Variants in USP7 observed in about 807,000 individuals in gnomAD.
USP7 encodes the protein ubiquitin specific peptidase 7, also known as ubiquitin C-terminal hydrolase 7.
USP7 carries 9 observed loss-of-function variants against 162.9 expected under a neutral mutation model. That is an observed-to-expected ratio of 0.06 (90% CI 0.03 to 0.10). The LOEUF is 0.10. USP7 is among the 10% of genes least tolerant of loss of function. USP7 has a pLI of 1.00. For synonymous variants in USP7, 562 were observed against 475.9 expected (o/e 1.18, Z -2.35); for missense variants, 715 against 1,373.7 (o/e 0.52, Z 7.58).
intron 1 of USP7, among the ~76,000 whole-genome samples, chr16:8,934,936 T>G (rs1307480325): frequency 6.6e-6 from 1 of 152,224 alleles, no homozygotes; most frequent in Non-Finnish European, 1.5e-5. Context: ...AAATTTTAAT[T>G]AAGACATGGT....
At chr16:8,955,722 A>AAC (rs1555472013) in intron 1 of USP7, among the ~76,000 whole-genome samples, 8 of 151,764 alleles carry the variant, frequency 5.3e-5, no homozygotes, top group East Asian at 1.9e-4. Flanking sequence ...AAAAAAAAAA[A>AAC]AAAACATTGC....
In USP7 at chr16:8,921,272, G is replaced by C; in HGVS notation, c.407C>G (p.Ala136Gly). The C allele has an allele frequency of 6.2e-7, 1 of 1,613,942 alleles. No individual in the cohort carries two copies. The highest frequency in any genetic ancestry group is 8.5e-7 in the Non-Finnish European group (1 of 1,179,978). The change falls in exon 4 of 31, where the codon GCA (alanine) becomes GGA (glycine). Residue 136 changes from alanine to glycine, a missense_variant. Ala to Gly is a moderately conservative substitution (Grantham distance 60). Transcript: ENST00000344836. ...TCTGTAATTTATTATCTTCAGCACT[G>C]CTTGTGCATGGCAAGACCATGACCT... ...DSTSWSCHAQ[A>G]VLKIINYRDD...
At chr16:8,916,020 G>A (rs374784693) in intron 8 of USP7, among the ~76,000 whole-genome samples, 28 of 152,172 alleles carry the variant, frequency 1.8e-4, no homozygotes, top group Admixed American at 6.5e-4. Context: ...GTGCTTCTGC[G>A]TCTTTTATCA....
chr16:8,937,914 A>T (rs1164182664), intron 1 of USP7, among the ~76,000 whole-genome samples: 1 of 152,064 alleles, frequency 6.6e-6, no homozygotes, highest in Non-Finnish European at 1.5e-5. Flanking sequence ...GGGGAGAGAA[A>T]ATACTGACCA....
At chr16:8,953,230 G>A (rs1899640063) in intron 1 of USP7, among the ~76,000 whole-genome samples, 1 of 152,060 alleles carries the variant, frequency 6.6e-6, no homozygotes, top group Non-Finnish European at 1.5e-5. Context: ...TCTCTCCTAT[G>A]CCACAGCTGC....
chr16:8,944,505 G>A (rs1899191107), intron 1 of USP7, among the ~76,000 whole-genome samples: 1 of 152,194 alleles, frequency 6.6e-6, no homozygotes, highest in Non-Finnish European at 1.5e-5. Flanking sequence ...GTAGAAAGGA[G>A]ATTTTTATAC....
chr16:8,962,086 G>A (rs1459900694), intron 1 of USP7, among the ~76,000 whole-genome samples: 1 of 152,170 alleles, frequency 6.6e-6, no homozygotes, highest in African/African-American at 2.4e-5. Flanking sequence ...ACCAACCGGT[G>A]TGCAGCGCCC....
chr16:8,958,444 C>T (rs755471601), intron 1 of USP7, among the ~76,000 whole-genome samples: 15 of 152,218 alleles, frequency 9.9e-5, no homozygotes, highest in Non-Finnish European at 1.6e-4. Flanking sequence ...AAGGCAGTGA[C>T]GGACAGAAGT....
intron 3 of USP7, 22 bp from the exon 4 acceptor site, chr16:8,921,317 G>C (rs1321148955): frequency 6.2e-7 from 1 of 1,605,116 alleles, no homozygotes; most frequent in Non-Finnish European, 8.5e-7. Context: ...AATAATCTGA[G>C]CCTTAGTTGA....
At chr16:8,949,785 TC>T (rs1899465415) in intron 1 of USP7, 1 of 152,240 alleles carries the variant, frequency 6.6e-6, no homozygotes, top group Non-Finnish European at 1.5e-5. Flanking sequence ...CATCTCTGCT[TC>T]CCCTCCAAGC....
At chr16:8,934,974 A>G (rs944456294) in intron 1 of USP7, among the ~76,000 whole-genome samples, 2 of 152,258 alleles carry the variant, frequency 1.3e-5, no homozygotes, top group African/African-American at 4.8e-5. Flanking sequence ...GTAAATGATG[A>G]AAGCACAGGA....
intron 1 of USP7, among the ~76,000 whole-genome samples, chr16:8,955,362 G>C (rs192016215): frequency 1.3e-5 from 2 of 152,162 alleles, no homozygotes; most frequent in South Asian, 4.1e-4. Flanking sequence ...CTCCCACCTC[G>C]GCCTCCCAAA....
chr16:8,929,018 CTA>C (rs34812034), intron 2 of USP7, among the ~76,000 whole-genome samples: 95,987 of 150,194 alleles, frequency 0.64, 33,439 homozygotes, highest in East Asian at 0.87. Flanking sequence ...CGCCCTATAT[CTA>C]TGTCTCCTCC....
At chr16:8,908,267 A>C (rs2061891472) in intron 12 of USP7, 74 bp downstream of exon 12, 2 of 1,201,766 alleles carry the variant, frequency 1.7e-6, no homozygotes, top group African/African-American at 1.5e-5. Flanking sequence ...ATAAAGACTG[A>C]GGAAAGCACT....
intron 1 of USP7, among the ~76,000 whole-genome samples, chr16:8,959,867 A>G (rs1899941935): frequency 1.3e-5 from 2 of 152,164 alleles, no homozygotes. Flanking sequence ...CTGACCCATT[A>G]ATTTGCTCCT....
rs1456435486 is a variant in USP7 at position 8,963,429 on chromosome 16, C to T, written c.-144G>A. 4.1e-5 allele frequency: 6 copies of T among 147,256 alleles called. No individual in the cohort carries two copies. Among genetic ancestry groups the T allele is most frequent in the Non-Finnish European group, 7.3e-5 (5 of 68,506 alleles). The allele number at this position is 147,256 out of a possible 1,614,324, so 9.1% of individuals were successfully genotyped here. A position where few individuals can be genotyped will look rare whatever the true frequency, so the allele number is the denominator to read the frequency against. On this transcript the variant is annotated 5_prime_UTR_variant, in exon 1 of 31. Coordinates refer to ENST00000344836, the MANE Select transcript of USP7 (RefSeq NM_003470.3). Reference sequence around the variant, plus strand: ...TCCTCCCGCGCGTCGTCGGCGACGGCGGCCCCGGGGCGGCCCGCGGCGGGC... The same window carrying T: ...TCCTCCCGCGCGTCGTCGGCGACGGTGGCCCCGGGGCGGCCCGCGGCGGGC...
chr16:8,905,103 G>C, intron 14 of USP7, 84 bp downstream of exon 14: 3 of 1,511,960 alleles, frequency 2.0e-6, no homozygotes, highest in Non-Finnish European at 2.7e-6. Flanking sequence ...AATGTGTTTG[G>C]ACAGAAAAGG....
intron 25 of USP7, 158 bp from the exon 26 acceptor site, chr16:8,897,257 A>G: frequency 1.6e-6 from 1 of 624,676 alleles, no homozygotes; most frequent in Non-Finnish European, 2.8e-6. Flanking sequence ...TCATCTGTGA[A>G]TTCACTCACA....
rs774851878 is a variant in USP7, at chr16:8,900,511, T to C, written c.2309+19A>G. The C allele has an allele frequency of 2.6e-6, 4 of 1,551,872 alleles. No individual in the cohort carries two copies. The highest frequency in any genetic ancestry group is 3.5e-6 in the Non-Finnish European group (4 of 1,141,356). On this transcript the variant is annotated intron_variant, in intron 21 of 30. Transcript: ENST00000344836. ...CTGAAATTAGTACAAAGTGATACAATCCTTCACAAAGTACATACTTCTGAA... is the reference window on the plus strand; with the variant it reads ...CTGAAATTAGTACAAAGTGATACAACCCTTCACAAAGTACATACTTCTGAA...
Sources: allele counts gnomAD v4.1 joint callset (sites outside exome capture counted in the v4.1 genomes callset), GRCh38; gene constraint gnomAD v4.1.1; transcripts MANE v1.5; gene names NCBI Gene and HGNC (gene_info 2026-07-23, HGNC 2026-07-21).